The following SHISA9 variants were observed in gnomAD, a reference collection of about 807,000 sequenced individuals.
SHISA9 encodes the protein shisa family member 9.
A neutral mutation model predicts 38.0 loss-of-function variants in SHISA9; 13 were observed. The ratio of observed to expected loss-of-function variants is 0.34; its 90% CI spans 0.22 to 0.54. The LOEUF (loss-of-function observed/expected upper bound fraction) is 0.54, where lower values mean the gene tolerates loss of function less well. Ranked by LOEUF, SHISA9 falls within the 20% of genes least tolerant of loss-of-function variation. The pLI is 0.91. For synonymous variants in SHISA9, 275 were observed against 242.0 expected (o/e 1.14, Z -1.27); for missense variants, 538 against 575.8 (o/e 0.93, Z 0.67).
the SHISA9 span, among the ~76,000 whole-genome samples, chr16:13,437,048 C>T: frequency 6.6e-6 from 1 of 152,146 alleles, no homozygotes; most frequent in Non-Finnish European, 1.5e-5. Flanking sequence ...AGGGAAACCC[C>T]ACCCCATGAT....
the SHISA9 span, among the ~76,000 whole-genome samples, chr16:13,381,759 GA>G: frequency 1.1e-4 from 16 of 152,300 alleles, no homozygotes; most frequent in African/African-American, 3.4e-4. Context: ...GAAATAGCAA[GA>G]AGTTGTAAAA....
the SHISA9 span, among the ~76,000 whole-genome samples, chr16:13,504,786 A>G: frequency 2.0e-5 from 3 of 152,184 alleles, no homozygotes; most frequent in Admixed American, 6.5e-5. Context: ...TACTCACATC[A>G]TCTCTATAAG....
chr16:13,332,423 A>T, the SHISA9 span: 2 of 152,354 alleles, frequency 1.3e-5, no homozygotes, highest in South Asian at 4.2e-4. Flanking sequence ...AAGGGCAGGG[A>T]AGAGACCACA....
chr16:12,970,767 G>T (rs2072071019), intron 2 of SHISA9, among the ~76,000 whole-genome samples: 1 of 151,326 alleles, frequency 6.6e-6, no homozygotes, highest in Non-Finnish European at 1.5e-5. Flanking sequence ...CAGGTGATCT[G>T]CCCACCTCAG....
intron 2 of SHISA9, among the ~76,000 whole-genome samples, chr16:13,187,808 A>T (rs1183415136): frequency 6.6e-6 from 1 of 152,194 alleles, no homozygotes. Flanking sequence ...AGTGGACAAA[A>T]TGTACAAGGT....
intron 2 of SHISA9, among the ~76,000 whole-genome samples, chr16:13,022,635 A>G (rs1163383775): frequency 6.6e-6 from 1 of 151,738 alleles, no homozygotes; most frequent in Non-Finnish European, 1.5e-5. Context: ...CCCAGCCTTA[A>G]TTTTATTTTT....
chr16:13,523,060 G>A, the SHISA9 span, among the ~76,000 whole-genome samples: 1 of 152,076 alleles, frequency 6.6e-6, no homozygotes, highest in Admixed American at 6.6e-5. Flanking sequence ...AAAAATGGAA[G>A]ACCCAGGCCA....
the SHISA9 span, among the ~76,000 whole-genome samples, chr16:13,264,122 C>T: frequency 6.6e-6 from 1 of 151,218 alleles, no homozygotes; most frequent in Non-Finnish European, 1.5e-5. Context: ...CCTGTGTCTG[C>T]TTCTACAACT....
At chr16:13,377,292 C>A in the SHISA9 span, among the ~76,000 whole-genome samples, 2 of 152,224 alleles carry the variant, frequency 1.3e-5, no homozygotes, top group Non-Finnish European at 2.9e-5. Context: ...ATGGAGCAAG[C>A]TGAGTATTCA....
the SHISA9 span, among the ~76,000 whole-genome samples, chr16:13,333,966 A>G: frequency 6.6e-6 from 1 of 152,200 alleles, no homozygotes; most frequent in Admixed American, 6.5e-5. Flanking sequence ...CAGCCACGGA[A>G]GCTAAAAGGA....
At chr16:13,292,165 CCAAAG>C in the SHISA9 span, among the ~76,000 whole-genome samples, 2 of 151,786 alleles carry the variant, frequency 1.3e-5, no homozygotes, top group African/African-American at 4.8e-5. Context: ...CTAGGAAAAG[CCAAAG>C]ATGACCCAAG....
At chr16:13,126,917 ACT>A (rs2050263516) in intron 2 of SHISA9, among the ~76,000 whole-genome samples, 4 of 135,176 alleles carry the variant, frequency 3.0e-5, no homozygotes, top group Non-Finnish European at 3.2e-5. Context: ...AGAGAGAGAG[ACT>A]GAGGGAAGGA....
chr16:13,358,418 T>C, the SHISA9 span, among the ~76,000 whole-genome samples: 2 of 152,138 alleles, frequency 1.3e-5, no homozygotes, highest in East Asian at 1.9e-4. Context: ...CTGTGTGATG[T>C]TCCCTTCGCT....
the SHISA9 span, among the ~76,000 whole-genome samples, chr16:13,338,466 A>C: frequency 2.2e-3 from 330 of 152,296 alleles, no homozygotes; most frequent in South Asian, 3.9e-3. Context: ...GTATGTGTTG[A>C]GGCTGAGCAG....
At chr16:13,105,337 A>T (rs73520668) in intron 2 of SHISA9, among the ~76,000 whole-genome samples, 1 of 152,180 alleles carries the variant, frequency 6.6e-6, no homozygotes, top group Non-Finnish European at 1.5e-5. Context: ...AAGCATTGCT[A>T]TTACTGTCTA....
Position 12,980,171 on chromosome 16 carries a change from A to G in SHISA9, c.691+63356A>G, listed in dbSNP as rs1045659703. ...TAGCTACTCTTTAAAGACAGCGTCA[A>G]ACTTTACCAAGGCATTTGATTATAT... is the stretch of plus-strand genomic sequence containing the variant. On this transcript the variant is annotated intron_variant, in intron 2 of 4. Transcript: ENST00000558583. Among the ~76,000 whole-genome samples the G allele has an allele frequency of 6.6e-5, 10 of 152,306 alleles. 1 individual carries two copies. The South Asian group carries it at 1.7e-3, about 25-fold the overall frequency.
At chr16:13,172,687 G>T (rs1409675786) in intron 2 of SHISA9, among the ~76,000 whole-genome samples, 1 of 151,476 alleles carries the variant, frequency 6.6e-6, no homozygotes, top group African/African-American at 2.4e-5. Context: ...TTAGGCCCAT[G>T]AGAGAGTACC....
chr16:13,024,349 C>T (rs2072895050), intron 2 of SHISA9, among the ~76,000 whole-genome samples: 1 of 152,226 alleles, frequency 6.6e-6, no homozygotes, highest in Non-Finnish European at 1.5e-5. Flanking sequence ...TGGTGCTCAC[C>T]TGCCTGCCTT....
chr16:13,494,835 G>T, the SHISA9 span, among the ~76,000 whole-genome samples: 1 of 152,094 alleles, frequency 6.6e-6, no homozygotes, highest in African/African-American at 2.4e-5. Context: ...CTTTATTCAC[G>T]ATAGCAAAAA....
Sources: allele counts gnomAD v4.1 joint callset (sites outside exome capture counted in the v4.1 genomes callset), GRCh38; gene constraint gnomAD v4.1.1; transcripts MANE v1.5; gene names NCBI Gene and HGNC (gene_info 2026-07-23, HGNC 2026-07-21).